The following AP1S3 variants were observed in gnomAD, a reference collection of about 807,000 sequenced individuals.
AP1S3 encodes adaptor related protein complex 1 subunit sigma 3, also known as AP-1 complex subunit sigma-3.
In AP1S3, 10 loss-of-function variants were observed where a neutral mutation model predicts 20.9. The ratio of observed to expected loss-of-function variants is 0.48; its 90% CI spans 0.29 to 0.81. AP1S3 has a LOEUF of 0.81. Ranked by LOEUF, AP1S3 falls within the 30% of genes least tolerant of loss-of-function variation. The probability of loss-of-function intolerance (pLI) is 0.08; values close to 1 mark genes in which losing one functional copy is unlikely to be tolerated. For missense variants in AP1S3, 154 were observed against 183.8 expected, an observed-to-expected ratio of 0.84 and a Z score of 0.94; for synonymous variants, 41 against 61.5, an observed-to-expected ratio of 0.67 and a Z score of 1.56.
intron 1 of AP1S3, among the ~76,000 whole-genome samples, chr2:223,829,728 T>C (rs541831152): frequency 6.6e-6 from 1 of 151,876 alleles, no homozygotes; most frequent in South Asian, 2.1e-4. Flanking sequence ...TCCCAGCTAC[T>C]TGGGAGACTG....
intron 1 of AP1S3, among the ~76,000 whole-genome samples, chr2:223,832,813 T>TC (rs201593104): frequency 0.011 from 1,676 of 149,832 alleles, 31 homozygotes; most frequent in African/African-American, 0.038. Flanking sequence ...TTTTCTTTTT[T>TC]TTTTTTTTTT....
At chr2:223,802,747 TG>T (rs2106112061) in intron 1 of AP1S3, among the ~76,000 whole-genome samples, 1 of 152,288 alleles carries the variant, frequency 6.6e-6, no homozygotes, top group South Asian at 2.1e-4. Flanking sequence ...GTCTCATCAG[TG>T]GTTTCAGGAA....
intron 1 of AP1S3, among the ~76,000 whole-genome samples, chr2:223,780,802 C>T (rs1690929768): frequency 6.7e-6 from 1 of 149,994 alleles, no homozygotes; most frequent in Non-Finnish European, 1.5e-5. Context: ...ATTTCAATTT[C>T]TGTGTTAGAT....
At chr2:223,795,573 A>G (rs1691316476) in intron 1 of AP1S3, among the ~76,000 whole-genome samples, 1 of 139,552 alleles carries the variant, frequency 7.2e-6, no homozygotes, top group African/African-American at 2.8e-5. Context: ...CTGGGCATTT[A>G]TCACTAGGCC....
chr2:223,758,806 G>A (rs1690285030), intron 4 of AP1S3, 56 bp from the exon 5 acceptor site: 3 of 1,459,368 alleles, frequency 2.1e-6, no homozygotes, highest in Non-Finnish European at 2.8e-6. Context: ...GCCTTCCGCA[G>A]ACTGTGAAAT....
At chr2:223,830,636 T>A (rs1344966801) in intron 1 of AP1S3, among the ~76,000 whole-genome samples, 1 of 152,164 alleles carries the variant, frequency 6.6e-6, no homozygotes, top group Non-Finnish European at 1.5e-5. Context: ...ATATACCCAG[T>A]GTGGAAGGAA....
At chr2:223,804,229 G>A (rs1333804473) in intron 1 of AP1S3, among the ~76,000 whole-genome samples, 1 of 152,152 alleles carries the variant, frequency 6.6e-6, no homozygotes, top group African/African-American at 2.4e-5. Flanking sequence ...CAGTGGCTGA[G>A]CACAGATCCC....
At chr2:223,765,511 G>A (rs540722054) in intron 3 of AP1S3, among the ~76,000 whole-genome samples, 161 bp from the exon 4 acceptor site, 4 of 152,130 alleles carry the variant, frequency 2.6e-5, no homozygotes, top group Non-Finnish European at 5.9e-5. Flanking sequence ...GGAATGTCAG[G>A]CCTTTAATAA....
rs1022228850 is a variant in AP1S3, at chr2:223,773,189, A to G, written c.291+2712T>C. 1.4e-5 allele frequency: 13 copies of G among 962,404 alleles called. No individual in the cohort carries two copies. In the African/African-American group the frequency reaches 2.2e-4, roughly 17 times the overall value. The allele number at this position is 962,404 out of a possible 1,614,324, so 59.6% of individuals were successfully genotyped here. A position where few individuals can be genotyped will look rare whatever the true frequency, so the allele number is the denominator to read the frequency against. On this transcript the variant is annotated intron_variant, in intron 3 of 4. Transcript: ENST00000396654. ...ATATCTGGCTGAAATTTGGTCAGAT[A>G]GATTGAGATCAAAATTCAGCCCCAA...
At chr2:223,813,913 A>G (rs1051035955) in intron 1 of AP1S3, among the ~76,000 whole-genome samples, 1 of 152,224 alleles carries the variant, frequency 6.6e-6, no homozygotes, top group Non-Finnish European at 1.5e-5. Context: ...CACATGTCCT[A>G]TTCCAAGCTT....
intron 1 of AP1S3, among the ~76,000 whole-genome samples, chr2:223,819,379 C>CCAAT (rs1374343451): frequency 3.7e-4 from 57 of 152,278 alleles, no homozygotes; most frequent in Middle Eastern, 3.4e-3. Context: ...TTACATCACT[C>CCAAT]ATTGGAGAAA....
intron 1 of AP1S3, among the ~76,000 whole-genome samples, chr2:223,804,453 C>T (rs988028834): frequency 6.6e-6 from 1 of 151,950 alleles, no homozygotes; most frequent in Non-Finnish European, 1.5e-5. Context: ...AATCCCAGCA[C>T]CTTGGGAGGC....
chr2:223,779,796 C>T lies in AP1S3; in HGVS notation c.4-1927G>A, dbSNP rs187436386. Among the ~76,000 whole-genome samples, 913 of 152,026 alleles carry T rather than the reference C, an allele frequency of 6.0e-3. 7 individuals are homozygous for T. The highest frequency in any genetic ancestry group is 9.6e-3 in the Admixed American group (146 of 15,256). On this transcript the variant is annotated intron_variant, in intron 1 of 4. Transcript: ENST00000396654. ...CAGCCTGACCAACATGGAGAAACCC[C>T]GTCTCTAATAAAAATACAAAATTAG... is the stretch of plus-strand genomic sequence containing the variant.
intron 4 of AP1S3, among the ~76,000 whole-genome samples, chr2:223,761,389 A>G (rs374913051): frequency 1.1e-4 from 16 of 152,336 alleles, no homozygotes; most frequent in African/African-American, 3.8e-4. Context: ...ACACGAGGGC[A>G]CATAGAATCC....
At chr2:223,820,735 T>G (rs1691968636) in intron 1 of AP1S3, among the ~76,000 whole-genome samples, 1 of 151,284 alleles carries the variant, frequency 6.6e-6, no homozygotes, top group South Asian at 2.1e-4. Context: ...AGGAGAAAAT[T>G]TCCTTTGCAA....
chr2:223,770,146 T>C (rs905577172), intron 3 of AP1S3: 1 of 1,529,232 alleles, frequency 6.5e-7, no homozygotes, highest in African/African-American at 1.4e-5. Flanking sequence ...GAAATCACAA[T>C]AGATTAGACA....
At position 223,766,764 on chromosome 2, in the gene AP1S3, T is replaced by C. The variant is rs142765716; in HGVS notation, c.292-1414A>G. Among the ~76,000 whole-genome samples the C allele has an allele frequency of 1.3e-3, 194 of 152,356 alleles. 1 individual carries two copies. Among genetic ancestry groups the C allele is most frequent in the Middle Eastern group, 6.8e-3 (2 of 294 alleles). ...AAAGACACATGCACATGTATGTTTG[T>C]TGCAGCACTGTTCACAGTAGCAAAG... On this transcript the variant is annotated intron_variant, in intron 3 of 4. Transcript: ENST00000396654.
intron 1 of AP1S3, among the ~76,000 whole-genome samples, chr2:223,797,692 G>C (rs1338924004): frequency 6.6e-6 from 1 of 152,146 alleles, no homozygotes; most frequent in Non-Finnish European, 1.5e-5. Flanking sequence ...CTTGAACCCG[G>C]GGGGCAGGGG....
chr2:223,821,117 G>A (rs2106125760), intron 1 of AP1S3, among the ~76,000 whole-genome samples: 1 of 152,258 alleles, frequency 6.6e-6, no homozygotes, highest in Middle Eastern at 3.4e-3. Context: ...TGGAGCAGAA[G>A]CATAATCAGT....
Sources: allele counts gnomAD v4.1 joint callset (sites outside exome capture counted in the v4.1 genomes callset), GRCh38; gene constraint gnomAD v4.1.1; transcripts MANE v1.5; gene names NCBI Gene and HGNC (gene_info 2026-07-23, HGNC 2026-07-21).